Variants in ZSWIM6 observed in about 807,000 individuals in gnomAD.
The protein encoded by ZSWIM6 is zinc finger SWIM-type containing 6.
A neutral mutation model predicts 113.2 loss-of-function variants in ZSWIM6; 9 were observed. The ratio of observed to expected loss-of-function variants is 0.08; its 90% confidence interval spans 0.05 to 0.14. The LOEUF is 0.14. Among genes scored for constraint, ZSWIM6 ranks in the 10% least tolerant of loss-of-function variants. The pLI, the probability that ZSWIM6 is intolerant of heterozygous loss-of-function variation, is 1.00. For missense variants in ZSWIM6, 1,162 were observed against 1,552.2 expected, an observed-to-expected ratio of 0.75 and a Z score of 4.22; for synonymous variants, 611 against 606.5, an observed-to-expected ratio of 1.01 and a Z score of -0.11.
chr5:61,521,378 A>G lies in ZSWIM6; in HGVS notation c.1449A>G (p.Gly483=). ...TTGATGTCTGTCCATGGGAAGATGG[A>G]AATCATGGCAGTGAATTACCCAACT... ...NSVDVCPWED[G]NHGSELPNLT... Residue 483 remains glycine (G), a synonymous_variant, in exon 5 of 14, where the codon GGA becomes GGG. Coordinates refer to ENST00000252744, the MANE Select transcript of ZSWIM6 (RefSeq NM_020928.2). 6.5e-7 allele frequency: 1 copy of G among 1,531,824 alleles called. No homozygotes were observed. Among genetic ancestry groups the G allele is most frequent in the Non-Finnish European group, 8.8e-7 (1 of 1,137,898 alleles). 94.9% of individuals were successfully genotyped at this position (1,531,824 alleles called of 1,614,324 possible). A position where few individuals can be genotyped will look rare whatever the true frequency, so the allele number is the denominator to read the frequency against.
In ZSWIM6 at chr5:61,544,530, AT is replaced by A. The variant is rs981821269; in HGVS notation, c.*221del. On this transcript the variant is annotated 3_prime_UTR_variant, in exon 14 of 14. Coordinates refer to ENST00000252744, the MANE Select transcript of ZSWIM6 (RefSeq NM_020928.2). ...ATTTCTTTCTTTCCTTTATTTTATT[AT>A]TTTTTTTAATTTTTTTTTTCTGGTT... 6 of 235,186 alleles carry A rather than the reference AT, an allele frequency of 2.6e-5. No homozygotes were observed. Among genetic ancestry groups the A allele is most frequent in the African/African-American group, 4.6e-5 (2 of 43,148 alleles). The allele number at this position is 235,186 out of a possible 1,614,324, so 14.6% of individuals were successfully genotyped here.
intron 1 of ZSWIM6, among the ~76,000 whole-genome samples, chr5:61,360,656 A>G (rs1021243827): frequency 2.6e-5 from 4 of 152,138 alleles, no homozygotes; most frequent in Admixed American, 1.3e-4. Flanking sequence ...CTTATCTAGC[A>G]CTTATTTTTA....
chr5:61,447,803 T>C (rs1368906712), intron 1 of ZSWIM6, among the ~76,000 whole-genome samples: 2 of 152,102 alleles, frequency 1.3e-5, no homozygotes, highest in African/African-American at 4.8e-5. Context: ...GGGAATAAGG[T>C]TTTACTCAGG....
intron 1 of ZSWIM6, among the ~76,000 whole-genome samples, chr5:61,365,765 A>G (rs1745136588): frequency 2.0e-5 from 3 of 152,156 alleles, no homozygotes; most frequent in Admixed American, 1.3e-4. Flanking sequence ...AGTGTGTGCA[A>G]ATAGCATTAG....
chr5:61,340,590 C>G lies in ZSWIM6; in HGVS notation c.676+7642C>G, dbSNP rs78687436. On this transcript the variant is annotated intron_variant, in intron 1 of 13. Coordinates refer to ENST00000252744, the MANE Select transcript of ZSWIM6 (RefSeq NM_020928.2). Reference sequence around the variant, plus strand: ...GATTTCAGAGATAAAAAGATAACTTCAATTTCAGTTTTTCCCATTTTCCTG... The same window carrying G: ...GATTTCAGAGATAAAAAGATAACTTGAATTTCAGTTTTTCCCATTTTCCTG... Among the ~76,000 whole-genome samples the G allele has an allele frequency of 6.4e-3, 973 of 152,278 alleles. 8 individuals carry two copies. Among genetic ancestry groups the G allele is most frequent in the African/African-American group, 0.02 (843 of 41,552 alleles).
rs1224495510 is a variant in ZSWIM6 at position 61,536,418 on chromosome 5, G to A, written c.2381+799G>A. ...TACATCCATCTTTCTTAAAACATCAGCATTTTCTTTTTCCTTTAAAAAAAT... is the reference window on the plus strand; with the variant it reads ...TACATCCATCTTTCTTAAAACATCAACATTTTCTTTTTCCTTTAAAAAAAT... On this transcript the variant is annotated intron_variant, in intron 10 of 13. Transcript: ENST00000252744. Among the ~76,000 whole-genome samples, 6 of 152,222 alleles carry A rather than the reference G, an allele frequency of 3.9e-5. No individual in the cohort carries two copies. The South Asian group carries it at 6.2e-4, about 16-fold the overall frequency.
chr5:61,452,771 T>C (rs1747111860), intron 1 of ZSWIM6, among the ~76,000 whole-genome samples: 1 of 152,232 alleles, frequency 6.6e-6, no homozygotes, highest in Non-Finnish European at 1.5e-5. Context: ...TTATTCAGAT[T>C]TCCCCAGCAT....
rs184756212 is a variant in ZSWIM6, at chr5:61,405,534, T to A, written c.677-67147T>A. The stretch of plus-strand genomic sequence containing the variant: ...GAAATTACAGAGGTGGCATTTGAGC[T>A]GAGCCTTTAAAAATAAGAGAAGATT... On this transcript the variant is annotated intron_variant, in intron 1 of 13. Transcript: ENST00000252744. 9.2e-5 allele frequency among the ~76,000 whole-genome samples: 14 copies of A among 152,134 alleles called. No individual in the cohort carries two copies. In the East Asian group the frequency reaches 2.7e-3, roughly 29 times the overall value.
chr5:61,391,012 C>G (rs886551365), intron 1 of ZSWIM6: 2 of 752,362 alleles, frequency 2.7e-6, no homozygotes, highest in African/African-American at 1.7e-5. Context: ...GTATCCCTGG[C>G]TGATCTTATA....
At chr5:61,350,113 C>G (rs975954370) in intron 1 of ZSWIM6, among the ~76,000 whole-genome samples, 25 of 152,226 alleles carry the variant, frequency 1.6e-4, no homozygotes, top group African/African-American at 5.8e-4. Context: ...GGGCTGTACT[C>G]TCAGTGCTTG....
chr5:61,458,503 G>C (rs1397293215), intron 1 of ZSWIM6, among the ~76,000 whole-genome samples: 1 of 152,174 alleles, frequency 6.6e-6, no homozygotes, highest in Non-Finnish European at 1.5e-5. Flanking sequence ...ATTCTCTAGT[G>C]ATCTACGCTC....
At chr5:61,404,459 A>G (rs1746008615) in intron 1 of ZSWIM6, among the ~76,000 whole-genome samples, 1 of 152,038 alleles carries the variant, frequency 6.6e-6, no homozygotes, top group Non-Finnish European at 1.5e-5. Flanking sequence ...CATGGCTACC[A>G]CCTCTCAAGG....
At chr5:61,393,404 A>T (rs1745772178) in intron 1 of ZSWIM6, among the ~76,000 whole-genome samples, 1 of 152,112 alleles carries the variant, frequency 6.6e-6, no homozygotes, top group Admixed American at 6.6e-5. Flanking sequence ...TTCTACAATA[A>T]ACATTATTGG....
At position 61,435,604 on chromosome 5, in the gene ZSWIM6, A is replaced by G. The variant is rs191131495; in HGVS notation, c.677-37077A>G. On this transcript the variant is annotated intron_variant, in intron 1 of 13. Coordinates refer to ENST00000252744, the MANE Select transcript of ZSWIM6 (RefSeq NM_020928.2). ...AGATGTTCCAAATTGCTGTCAGACT[A>G]TATTTACTTACTCATAAACAGATGT... is the stretch of plus-strand genomic sequence containing the variant. 2.4e-4 allele frequency among the ~76,000 whole-genome samples: 36 copies of G among 152,370 alleles called. No homozygotes were observed. The East Asian group carries it at 6.7e-3, about 29-fold the overall frequency.
rs568077318 is a variant in ZSWIM6, at chr5:61,418,427, C to A, written c.677-54254C>A. Among the ~76,000 whole-genome samples, 9 of 152,124 alleles carry A rather than the reference C, an allele frequency of 5.9e-5. No individual in the cohort carries two copies. The South Asian group carries it at 1.9e-3, about 32-fold the overall frequency. On this transcript the variant is annotated intron_variant, in intron 1 of 13. Coordinates refer to ENST00000252744, the MANE Select transcript of ZSWIM6 (RefSeq NM_020928.2). Reference sequence around the variant, plus strand: ...GGATTACAGGTGCCTGCCACCACACCCGGCTACTTTTTTGTATTTTTAGTA... The same window carrying A: ...GGATTACAGGTGCCTGCCACCACACACGGCTACTTTTTTGTATTTTTAGTA...
At chr5:61,388,735 G>A (rs541545397) in intron 1 of ZSWIM6, among the ~76,000 whole-genome samples, 2 of 152,228 alleles carry the variant, frequency 1.3e-5, no homozygotes, top group African/African-American at 2.4e-5. Context: ...CTGCTTTGCT[G>A]TGTAGTGACT....
chr5:61,504,269 TACAA>T (rs1169683448), intron 4 of ZSWIM6, among the ~76,000 whole-genome samples: 1 of 152,176 alleles, frequency 6.6e-6, no homozygotes, highest in Admixed American at 6.5e-5. Context: ...CACTCTGAAA[TACAA>T]ACAGTTTAGA....
intron 1 of ZSWIM6, among the ~76,000 whole-genome samples, chr5:61,352,417 A>G (rs145555398): frequency 6.6e-6 from 1 of 152,372 alleles, no homozygotes; most frequent in East Asian, 1.9e-4. Context: ...TTGTCTCTCA[A>G]TAAAAGTTTG....
chr5:61,483,021 C>T (rs987355056), intron 2 of ZSWIM6, among the ~76,000 whole-genome samples: 2 of 152,058 alleles, frequency 1.3e-5, no homozygotes, highest in Non-Finnish European at 2.9e-5. Context: ...TTAATGTATC[C>T]ATTCATTTTT....
Sources: allele counts gnomAD v4.1 joint callset (sites outside exome capture counted in the v4.1 genomes callset), GRCh38; gene constraint gnomAD v4.1.1; transcripts MANE v1.5; gene names NCBI Gene and HGNC (gene_info 2026-07-23, HGNC 2026-07-21).